The following FNBP1 variants were observed in gnomAD, a reference collection of about 807,000 sequenced individuals.
FNBP1 encodes formin-binding protein 1.
FNBP1 carries 26 observed loss-of-function variants against 90.6 expected under a neutral mutation model. That is an observed-to-expected ratio of 0.29 (90% CI 0.21 to 0.40). The LOEUF is 0.40. Ranked by LOEUF, FNBP1 falls within the 10% of genes least tolerant of loss-of-function variation. FNBP1 has a pLI of 1.00. For missense variants in FNBP1, 635 were observed against 768.0 expected (o/e 0.83, Z 2.05); for synonymous variants, 260 against 265.2 (o/e 0.98, Z 0.19).
At chr9:130,011,371 A>G (rs147214744) in intron 1 of FNBP1, among the ~76,000 whole-genome samples, 1 of 151,268 alleles carries the variant, frequency 6.6e-6, no homozygotes, top group East Asian at 1.9e-4. Flanking sequence ...CAAAGTATAA[A>G]ACTTTATTAA....
At chr9:129,899,801 AGG>A (rs1564262858) in intron 15 of FNBP1, among the ~76,000 whole-genome samples, 162 bp downstream of exon 15, 4 of 103,642 alleles carry the variant, frequency 3.9e-5, no homozygotes, top group Non-Finnish European at 8.1e-5. Context: ...GAAGGAAGGA[AGG>A]GGAAGGGGAA....
In FNBP1 at chr9:129,887,610, C is replaced by T. The variant is rs1297589775; in HGVS notation, c.*2929G>A. 3.7e-5 allele frequency: 8 copies of T among 216,274 alleles called. No individual in the cohort carries two copies. The highest frequency in any genetic ancestry group is 1.9e-4 in the South Asian group (1 of 5,376). The allele number at this position is 216,274 out of a possible 1,614,324, so 13.4% of individuals were successfully genotyped here. A position where few individuals can be genotyped will look rare whatever the true frequency, so the allele number is the denominator to read the frequency against. On this transcript the variant is annotated 3_prime_UTR_variant, in exon 17 of 17. Coordinates refer to ENST00000446176, the MANE Select transcript of FNBP1 (RefSeq NM_015033.3). ...TTTGCGCTGCGCTGGTTAGACAAGC[C>T]GCAGGCTTATCTCCACGGTGAGCAG...
Position 130,042,310 on chromosome 9 carries a change from T to G in FNBP1, c.24+642A>C, listed in dbSNP as rs2059898360. Among the ~76,000 whole-genome samples the G allele has an allele frequency of 6.6e-6, 1 of 151,872 alleles. No individual in the cohort carries two copies. Among genetic ancestry groups the G allele is most frequent in the Non-Finnish European group, 1.5e-5 (1 of 67,936 alleles). On this transcript the variant is annotated intron_variant, in intron 1 of 16. Coordinates refer to ENST00000446176, the MANE Select transcript of FNBP1 (RefSeq NM_015033.3). This position sits in a 1 kb window ranked among gnomAD's most constrained non-coding sequence, Gnocchi z 5.5. ...TCTCTCCCTAACTCCCACTTTCCCCTCCAGACCAGACGTCGCAGTGCCCAC... is the reference window on the plus strand; with the variant it reads ...TCTCTCCCTAACTCCCACTTTCCCCGCCAGACCAGACGTCGCAGTGCCCAC...
At chr9:129,924,690 A>C (rs2041618273) in intron 9 of FNBP1, among the ~76,000 whole-genome samples, 1 of 152,158 alleles carries the variant, frequency 6.6e-6, no homozygotes, top group Non-Finnish European at 1.5e-5. Flanking sequence ...GAGAGGAAGG[A>C]GGGAAAGGCA....
intron 1 of FNBP1, among the ~76,000 whole-genome samples, chr9:130,006,799 G>A (rs776740432): frequency 2.6e-5 from 4 of 152,246 alleles, no homozygotes; most frequent in East Asian, 1.9e-4. Flanking sequence ...AAAACACTAC[G>A]TTCATGGCTC....
At chr9:129,905,949 T>A (rs1489475683) in intron 12 of FNBP1, among the ~76,000 whole-genome samples, 1 of 151,714 alleles carries the variant, frequency 6.6e-6, no homozygotes, top group East Asian at 1.9e-4. Flanking sequence ...AATGGCGCGA[T>A]CTCAGCTCAC....
chr9:130,007,371 T>A (rs115534533), intron 1 of FNBP1, among the ~76,000 whole-genome samples: 1 of 151,940 alleles, frequency 6.6e-6, no homozygotes. Flanking sequence ...TTGTTGGATG[T>A]GCAACAAATG....
chr9:129,903,960 C>T (rs1239203951), intron 12 of FNBP1, among the ~76,000 whole-genome samples: 1 of 152,154 alleles, frequency 6.6e-6, no homozygotes, highest in Non-Finnish European at 1.5e-5. Context: ...TCACTTGAAC[C>T]CAGGAGGTGG....
In FNBP1 at chr9:129,917,189, T is replaced by C. The variant is rs537840365; in HGVS notation, c.1171-1209A>G. Among the ~76,000 whole-genome samples, 12 of 152,182 alleles carry C rather than the reference T, an allele frequency of 7.9e-5. No homozygotes were observed. The East Asian group carries it at 1.9e-3, about 24-fold the overall frequency. ...CACCACGCCCAGCTAATGTTTTGTA[T>C]TTTTAGTAGAGACGGGGTTTCGCCT... is the stretch of plus-strand genomic sequence containing the variant. On this transcript the variant is annotated intron_variant, in intron 10 of 16. Coordinates refer to ENST00000446176, the MANE Select transcript of FNBP1 (RefSeq NM_015033.3).
In FNBP1 at chr9:129,959,019, T is replaced by TAAAA. The variant is rs948777741; in HGVS notation, c.346-470_346-467dup. 2.2e-3 allele frequency among the ~76,000 whole-genome samples: 134 copies of TAAAA among 59,888 alleles called. 4 individuals carry two copies. The highest frequency in any genetic ancestry group is 7.3e-4 in the Non-Finnish European group (21 of 28,644). 39.3% of individuals were successfully genotyped at this position (59,888 alleles called of 152,430 possible). ...AAAAAAAAAAAAAAGGAAAAGGGAA[T>TAAAA]AAAAAGCTTAATGTGGAAACGAAAA... On this transcript the variant is annotated intron_variant, in intron 4 of 16. Transcript: ENST00000446176.
At chr9:130,029,186 T>C (rs113404972) in intron 1 of FNBP1, among the ~76,000 whole-genome samples, 140 of 152,262 alleles carry the variant, frequency 9.2e-4, no homozygotes, top group Non-Finnish European at 1.8e-3. Context: ...AACAGGGTCT[T>C]GCTCTGTCGC....
chr9:130,011,269 A>AATATATATAT (rs2056571268), intron 1 of FNBP1, among the ~76,000 whole-genome samples: 1 of 34,828 alleles, frequency 2.9e-5, no homozygotes, highest in East Asian at 1.4e-3. Flanking sequence ...TATATATATA[A>AATATATATAT]AATATATATA....
At chr9:129,920,803 T>A (rs1246865985) in intron 10 of FNBP1, among the ~76,000 whole-genome samples, 2 of 152,046 alleles carry the variant, frequency 1.3e-5, no homozygotes, top group African/African-American at 2.4e-5. Flanking sequence ...TCCAAAAAAA[T>A]ACAGAGATAA....
chr9:129,995,061 C>A, intron 1 of FNBP1, 103 bp from the exon 2 acceptor site: 1 of 668,920 alleles, frequency 1.5e-6, no homozygotes, highest in Non-Finnish European at 2.6e-6. Context: ...CAAAGTAGTA[C>A]TAATATTTTC....
In FNBP1 at chr9:129,916,080, A is replaced by G. The variant is rs1325248631; in HGVS notation, c.1171-100T>C. 6.2e-6 allele frequency: 5 copies of G among 805,854 alleles called. No individual in the cohort carries two copies. The African/African-American group carries it at 8.6e-5, about 14-fold the overall frequency. The allele number at this position is 805,854 out of a possible 1,614,324, so 49.9% of individuals were successfully genotyped here. ...ACATCAGAAGAAGAGGAACTTGGTC[A>G]GTTCCGCCATATTAAAATAACACAC... On this transcript the variant is annotated intron_variant, in intron 10 of 16. Coordinates refer to ENST00000446176, the MANE Select transcript of FNBP1 (RefSeq NM_015033.3).
chr9:130,046,887 A>G (rs1171377927), upstream of FNBP1, among the ~76,000 whole-genome samples: 1 of 152,056 alleles, frequency 6.6e-6, no homozygotes, highest in African/African-American at 2.4e-5. Context: ...TATCCTTTAT[A>G]ATAAACATGT....
chr9:129,944,966 G>C (rs2045006562), intron 6 of FNBP1, among the ~76,000 whole-genome samples: 1 of 152,140 alleles, frequency 6.6e-6, no homozygotes, highest in Admixed American at 6.6e-5. Flanking sequence ...AGTGCCAAGT[G>C]TTGAAGCTAA....
chr9:130,023,641 T>C (rs1383426728), intron 1 of FNBP1, among the ~76,000 whole-genome samples: 2 of 152,092 alleles, frequency 1.3e-5, no homozygotes, highest in African/African-American at 4.8e-5. Context: ...TGGGAAGTCC[T>C]TGTTGGGTTT....
intron 13 of FNBP1, among the ~76,000 whole-genome samples, chr9:129,901,440 G>A (rs1050760909): frequency 2.0e-5 from 3 of 152,070 alleles, no homozygotes; most frequent in African/African-American, 7.2e-5. Context: ...GGGAGGCTGA[G>A]GCACGAGAAT....
Sources: allele counts gnomAD v4.1 joint callset (sites outside exome capture counted in the v4.1 genomes callset), GRCh38; gene constraint gnomAD v4.1.1; non-coding constraint Gnocchi (gnomAD v3.1); transcripts MANE v1.5; gene names NCBI Gene and HGNC (gene_info 2026-07-23, HGNC 2026-07-21).